ITGB5: variants seen among roughly 807,000 people sequenced by gnomAD.
ITGB5 encodes the protein integrin subunit beta 5.
ITGB5 carries 38 observed loss-of-function variants against 84.8 expected under a neutral mutation model. The ratio of observed to expected loss-of-function variants is 0.45; its 90% CI spans 0.35 to 0.59. The LOEUF is 0.59. Ranked by LOEUF, ITGB5 falls within the 20% of genes least tolerant of loss-of-function variation. The pLI is 0.01. For missense variants in ITGB5, 905 were observed against 1,034.5 expected (o/e 0.87, Z 1.72); for synonymous variants, 393 against 414.4 (o/e 0.95, Z 0.63).
chr3:124,778,652 G>A (rs1223326182), intron 10 of ITGB5, among the ~76,000 whole-genome samples: 3 of 152,206 alleles, frequency 2.0e-5, no homozygotes, highest in South Asian at 2.1e-4. Flanking sequence ...GGGGACAGGC[G>A]GAGATGGGGG....
chr3:124,890,238 C>G (rs1479641917), upstream of ITGB5, among the ~76,000 whole-genome samples: 1 of 131,110 alleles, frequency 7.6e-6, no homozygotes, highest in African/African-American at 2.9e-5. Context: ...GAGTCTCGCT[C>G]TGTCGCCCAA....
chr3:124,874,750 G>A (rs1442477817), intron 1 of ITGB5, among the ~76,000 whole-genome samples: 1 of 152,170 alleles, frequency 6.6e-6, no homozygotes, highest in East Asian at 1.9e-4. Context: ...AACACACAAT[G>A]GGGAAAGGCC....
intron 13 of ITGB5, among the ~76,000 whole-genome samples, chr3:124,765,389 T>C (rs1404981290): frequency 6.6e-6 from 1 of 152,212 alleles, no homozygotes; most frequent in Non-Finnish European, 1.5e-5. Context: ...CAGTGCTCCG[T>C]TGTCCTTGGA....
At chr3:124,793,659 A>C (rs1215584607) in intron 10 of ITGB5, among the ~76,000 whole-genome samples, 1 of 152,246 alleles carries the variant, frequency 6.6e-6, no homozygotes, top group African/African-American at 2.4e-5. Flanking sequence ...TCACACTAGC[A>C]GATATGGTAT....
At chr3:124,838,856 C>T (rs1392890153) in intron 5 of ITGB5, among the ~76,000 whole-genome samples, 2 of 152,330 alleles carry the variant, frequency 1.3e-5, no homozygotes, top group Middle Eastern at 3.4e-3. Context: ...CCGCCTCAGC[C>T]TCTCAAAGTG....
chr3:124,846,436 A>G (rs1292533411), intron 4 of ITGB5, among the ~76,000 whole-genome samples: 1 of 152,018 alleles, frequency 6.6e-6, no homozygotes, highest in Non-Finnish European at 1.5e-5. Flanking sequence ...AAAAAAAAAA[A>G]AAACCAACAA....
chr3:124,773,094 C>T (rs962854874), intron 11 of ITGB5, among the ~76,000 whole-genome samples: 6 of 151,992 alleles, frequency 3.9e-5, no homozygotes, highest in African/African-American at 7.2e-5. Flanking sequence ...TTAGTAGAGA[C>T]GGGTGTTTCA....
rs1265456771 is a variant in ITGB5, at chr3:124,886,992, C to G, written c.9G>C (p.Arg3=). Residue 3 remains arginine (R), a synonymous_variant, in exon 1 of 15, where the codon CGG becomes CGC. Transcript: ENST00000296181. MP[R]APAPLYACLL... ...GGCAGGCGTACAGCGGCGCCGGGGC[C>G]CGCGGCATGGTGGGGCGCCTCCCTC... 5 of 1,191,288 alleles carry G rather than the reference C, an allele frequency of 4.2e-6. No homozygotes were observed. The highest frequency in any genetic ancestry group is 1.6e-5 in the African/African-American group (1 of 62,574). 73.8% of individuals were successfully genotyped at this position (1,191,288 alleles called of 1,614,324 possible).
intron 1 of ITGB5, among the ~76,000 whole-genome samples, chr3:124,877,562 G>C (rs1455220412): frequency 2.6e-5 from 4 of 152,154 alleles, no homozygotes; most frequent in Admixed American, 2.6e-4. Context: ...GGCTAGGATT[G>C]TTTTAAGATG....
At chr3:124,865,364 C>G (rs577822356) in intron 2 of ITGB5, among the ~76,000 whole-genome samples, 10 of 152,004 alleles carry the variant, frequency 6.6e-5, no homozygotes, top group Non-Finnish European at 1.2e-4. Flanking sequence ...GGAAGAGGTT[C>G]CTGTACACAA....
At chr3:124,813,136 C>T (rs530721430) in intron 8 of ITGB5, among the ~76,000 whole-genome samples, 12 of 152,318 alleles carry the variant, frequency 7.9e-5, no homozygotes, top group Non-Finnish European at 1.5e-4. Flanking sequence ...ACCAGGGGCC[C>T]GTGCTGGGGC....
chr3:124,786,803 A>T (rs2064088036), intron 10 of ITGB5, among the ~76,000 whole-genome samples: 2 of 152,214 alleles, frequency 1.3e-5, no homozygotes, highest in Admixed American at 6.5e-5. Context: ...GGCACTGAGC[A>T]GCAGAAGCCT....
At chr3:124,796,234 C>T (rs1470962677) in intron 10 of ITGB5, among the ~76,000 whole-genome samples, 154 bp downstream of exon 10, 2 of 152,200 alleles carry the variant, frequency 1.3e-5, no homozygotes, top group Admixed American at 1.3e-4. Context: ...CCACCTCCTG[C>T]CTACGGGTAG....
chr3:124,766,858 T>G (rs1372807141), intron 12 of ITGB5, among the ~76,000 whole-genome samples: 1 of 152,140 alleles, frequency 6.6e-6, no homozygotes, highest in African/African-American at 2.4e-5. Context: ...GGACACTGGG[T>G]GAGAGGCTGG....
intron 9 of ITGB5, among the ~76,000 whole-genome samples, chr3:124,804,208 T>G (rs2064359111): frequency 6.6e-6 from 1 of 152,316 alleles, no homozygotes; most frequent in East Asian, 1.9e-4. Context: ...ATCATGATAG[T>G]TGCTTGTCAC....
intron 5 of ITGB5, among the ~76,000 whole-genome samples, chr3:124,826,129 G>A (rs1329432191): frequency 6.6e-6 from 1 of 152,192 alleles, no homozygotes; most frequent in Non-Finnish European, 1.5e-5. Flanking sequence ...CCATAATGTG[G>A]TTGTGGTTGG....
At chr3:124,870,123 T>C (rs935602880) in intron 2 of ITGB5, among the ~76,000 whole-genome samples, 9 of 152,230 alleles carry the variant, frequency 5.9e-5, no homozygotes, top group African/African-American at 2.2e-4. Flanking sequence ...TTTTTCTAAC[T>C]TCATGTCTTT....
At chr3:124,795,191 A>G (rs895954043) in intron 10 of ITGB5, among the ~76,000 whole-genome samples, 1 of 152,142 alleles carries the variant, frequency 6.6e-6, no homozygotes, top group African/African-American at 2.4e-5. Flanking sequence ...GTTTCTCTTC[A>G]GTATAAAGAG....
chr3:124,805,456 C>CT (rs34640457), intron 9 of ITGB5, among the ~76,000 whole-genome samples: 5,084 of 147,072 alleles, frequency 0.035, 152 homozygotes, highest in African/African-American at 0.075. Context: ...ACTGCCATTA[C>CT]TTTTTTTTTT....
Sources: gnomAD v4.1 joint callset for allele counts (sites outside exome capture counted in the v4.1 genomes callset) on GRCh38, gnomAD v4.1.1 for gene constraint, MANE v1.5 for transcripts, NCBI Gene and HGNC (gene_info 2026-07-23, HGNC 2026-07-21) for gene names.